Variants in KLHL5 observed in about 807,000 individuals in gnomAD.
The protein encoded by KLHL5 is kelch-like protein 5.
In KLHL5, 48 loss-of-function variants were observed where a neutral mutation model predicts 77.7. The ratio of observed to expected loss-of-function variants is 0.62; its 90% CI spans 0.49 to 0.79. The LOEUF (loss-of-function observed/expected upper bound fraction) is 0.79, where lower values mean the gene tolerates loss of function less well. Among genes scored for constraint, KLHL5 ranks in the 30% least tolerant of loss-of-function variants. The pLI is 0.00. For synonymous variants in KLHL5, 260 were observed against 297.0 expected, an observed-to-expected ratio of 0.88 and a Z score of 1.28; for missense variants, 723 against 859.7, an observed-to-expected ratio of 0.84 and a Z score of 1.99.
At chr4:39,051,317 C>T (rs1241563415) in intron 1 of KLHL5, among the ~76,000 whole-genome samples, 3 of 150,156 alleles carry the variant, frequency 2.0e-5, no homozygotes, top group African/African-American at 7.4e-5. Flanking sequence ...CATCAGTGGC[C>T]GAAGAGATTA....
rs60163692 is a variant in KLHL5, at chr4:39,069,535, CATATATATATATAT to C, written c.384-6410_384-6397del. The stretch of plus-strand genomic sequence containing the variant: ...TTATACTATTTTTATACTTTTTTAC[CATATATATATATAT>C]ATATATATATATATATATAAACCAT... On this transcript the variant is annotated intron_variant, in intron 1 of 10. Coordinates refer to ENST00000504108, the MANE Select transcript of KLHL5 (RefSeq NM_015990.5). 4.8e-4 allele frequency among the ~76,000 whole-genome samples: 65 copies of C among 136,398 alleles called. 1 individual carries two copies. Among genetic ancestry groups the C allele is most frequent in the Middle Eastern group, 3.6e-3 (1 of 278 alleles). 89.5% of individuals were successfully genotyped at this position (136,398 alleles called of 152,430 possible). A position where few individuals can be genotyped will look rare whatever the true frequency, so the allele number is the denominator to read the frequency against.
downstream of KLHL5, among the ~76,000 whole-genome samples, chr4:39,127,984 C>T (rs531012379): frequency 9.2e-5 from 14 of 152,264 alleles, no homozygotes; most frequent in South Asian, 2.1e-4. Context: ...GCAGCAGAGA[C>T]GGACTGGCAG....
chr4:39,131,669 C>T (rs567338150), downstream of KLHL5, among the ~76,000 whole-genome samples: 1 of 152,110 alleles, frequency 6.6e-6, no homozygotes, highest in Non-Finnish European at 1.5e-5. Flanking sequence ...GGCAGGATTG[C>T]TTGAGCCCAG....
At chr4:39,059,185 A>G (rs142769506), upstream of KLHL5, among the ~76,000 whole-genome samples, 643 of 152,292 alleles carry the variant, frequency 4.2e-3, 3 homozygotes, top group African/African-American at 0.012. Flanking sequence ...ATTTAAGTGA[A>G]TGCTGAATTT....
chr4:39,075,279 C>T (rs1015888982), intron 1 of KLHL5, among the ~76,000 whole-genome samples: 5 of 150,528 alleles, frequency 3.3e-5, no homozygotes, highest in Admixed American at 1.3e-4. Flanking sequence ...TGTGGTGAGA[C>T]GAGATCGCGC....
chr4:39,062,548 G>A lies in KLHL5; in HGVS notation c.-105G>A. ...GATTTATTTTCCTTTACATATTTTT[G>A]TTGTGTACAGCAGGGCATATACTTC... On this transcript the variant is annotated 5_prime_UTR_variant, in exon 1 of 11. Coordinates refer to ENST00000504108, the MANE Select transcript of KLHL5 (RefSeq NM_015990.5). 6.2e-7 allele frequency: 1 copy of A among 1,611,780 alleles called. No homozygotes were observed. Among genetic ancestry groups the A allele is most frequent in the Non-Finnish European group, 8.5e-7 (1 of 1,178,296 alleles).
At chr4:39,106,618 A>T (rs888329798) in intron 7 of KLHL5, among the ~76,000 whole-genome samples, 10 of 152,194 alleles carry the variant, frequency 6.6e-5, no homozygotes, top group African/African-American at 2.4e-4. Flanking sequence ...TTGAATTAAC[A>T]GGGGGGAAGG....
chr4:39,115,857 G>T (rs1722797300), intron 10 of KLHL5: 5 of 1,013,460 alleles, frequency 4.9e-6, no homozygotes, highest in Non-Finnish European at 5.9e-6. Flanking sequence ...GTATTTCTGG[G>T]AGGGTCTAGC....
At chr4:39,087,207 G>A (rs751961633) in intron 5 of KLHL5, among the ~76,000 whole-genome samples, 17 of 152,006 alleles carry the variant, frequency 1.1e-4, no homozygotes, top group African/African-American at 2.2e-4. Context: ...CGCTGTGCCC[G>A]GCCTCAATTA....
rs1390891991 is a variant in KLHL5, at chr4:39,083,197, A to G, written c.900+1038A>G. The stretch of plus-strand genomic sequence containing the variant: ...AGAGATTTGGAAAAATTGTAAGAAT[A>G]GGTATTTACAAACTATTGGCAAGAT... On this transcript the variant is annotated intron_variant, in intron 4 of 10. Coordinates refer to ENST00000504108, the MANE Select transcript of KLHL5 (RefSeq NM_015990.5). 2.6e-5 allele frequency among the ~76,000 whole-genome samples: 4 copies of G among 152,208 alleles called. No individual in the cohort carries two copies. The South Asian group carries it at 8.3e-4, about 32-fold the overall frequency.
intron 6 of KLHL5, among the ~76,000 whole-genome samples, chr4:39,101,877 T>TACACAC (rs57547974): frequency 0.011 from 1,155 of 108,524 alleles, 19 homozygotes; most frequent in African/African-American, 0.035. Flanking sequence ...TATATATATA[T>TACACAC]ACACACACAC....
chr4:39,115,868 A>G, intron 10 of KLHL5: 2 of 995,640 alleles, frequency 2.0e-6, no homozygotes, highest in South Asian at 9.1e-5. Context: ...AGGGTCTAGC[A>G]CTTCTAAAAA....
intron 6 of KLHL5, among the ~76,000 whole-genome samples, chr4:39,097,807 G>T (rs758596638): frequency 5.9e-5 from 9 of 152,086 alleles, no homozygotes; most frequent in Non-Finnish European, 1.3e-4. Context: ...TCCAAACAAG[G>T]TCTGTAGATT....
chr4:39,129,810 AAC>A (rs921563019), downstream of KLHL5, among the ~76,000 whole-genome samples: 9 of 152,346 alleles, frequency 5.9e-5, no homozygotes, highest in Admixed American at 5.9e-4. This position sits in a 1 kb window ranked among gnomAD's most constrained non-coding sequence, Gnocchi z 4.2. Flanking sequence ...CACAATGAGA[AAC>A]AGTCATTGCA....
chr4:39,064,459 G>A (rs925798186), intron 1 of KLHL5, among the ~76,000 whole-genome samples: 3 of 151,908 alleles, frequency 2.0e-5, no homozygotes, highest in African/African-American at 7.2e-5. Context: ...AAGAGTAAAT[G>A]TTTCATTTGA....
chr4:39,103,919 G>C (rs1273429523), intron 7 of KLHL5, among the ~76,000 whole-genome samples: 1 of 145,530 alleles, frequency 6.9e-6, no homozygotes, highest in African/African-American at 2.5e-5. Context: ...GGAGGTCAAG[G>C]CTGCAGTGAG....
chr4:39,076,278 G>A, intron 2 of KLHL5, 131 bp downstream of exon 2: 1 of 742,954 alleles, frequency 1.3e-6, no homozygotes, highest in African/African-American at 1.8e-5. Context: ...TTTCCATCAA[G>A]AAAACGGTGC....
intron 10 of KLHL5, 57 bp from the exon 11 acceptor site, chr4:39,120,953 T>G: frequency 7.8e-7 from 1 of 1,273,914 alleles, no homozygotes; most frequent in Non-Finnish European, 1.1e-6. Context: ...CCAACTGGCA[T>G]AGTAGTGTTG....
chr4:39,101,138 A>ATC (rs1721508447), intron 6 of KLHL5, among the ~76,000 whole-genome samples: 3 of 147,902 alleles, frequency 2.0e-5, no homozygotes, highest in African/African-American at 7.4e-5. Context: ...ATATATATAT[A>ATC]TATATATATC....
Sources: gnomAD v4.1 joint callset for allele counts (sites outside exome capture counted in the v4.1 genomes callset) on GRCh38, gnomAD v4.1.1 for gene constraint, Gnocchi (gnomAD v3.1) non-coding constraint, MANE v1.5 for transcripts, NCBI Gene and HGNC (gene_info 2026-07-23, HGNC 2026-07-21) for gene names.